Variants in ZNF420 observed in about 807,000 individuals in gnomAD.
ZNF420 encodes zinc finger protein 420, also known as ATM and p53-associated KZNF protein.
Under a neutral mutation model 44.7 loss-of-function variants are expected in ZNF420, and 31 were observed. The ratio of observed to expected loss-of-function variants is 0.69; its 90% confidence interval spans 0.52 to 0.94. ZNF420 has a LOEUF of 0.94. ZNF420 is among the 40% of genes least tolerant of loss of function. The probability of loss-of-function intolerance (pLI) is 0.00; values close to 1 mark genes in which losing one functional copy is unlikely to be tolerated. For synonymous variants in ZNF420, 245 were observed against 267.4 expected (o/e 0.92, Z 0.82); for missense variants, 681 against 827.9 (o/e 0.82, Z 2.18).
chr19:37,126,824 A>G (rs1477506530), intron 4 of ZNF420, among the ~76,000 whole-genome samples: 1 of 152,152 alleles, frequency 6.6e-6, no homozygotes, highest in African/African-American at 2.4e-5. Context: ...AAAATTCTAG[A>G]TAGGAACATT....
Position 37,085,936 on chromosome 19 carries a change from TTTATTATTATTA to T in ZNF420, c.-80-3070_-80-3059del, listed in dbSNP as rs34624393. The stretch of plus-strand genomic sequence containing the variant: ...TTGCATCACAATGCCTGGCTGATGT[TTTATTATTATTA>T]TTATTATTATTATTATTATTATTAT... On this transcript the variant is annotated intron_variant, in intron 2 of 4. Coordinates refer to ENST00000337995, the MANE Select transcript of ZNF420 (RefSeq NM_144689.5). Among the ~76,000 whole-genome samples the T allele has an allele frequency of 1.7e-3, 238 of 137,746 alleles. 3 individuals carry two copies. The highest frequency in any genetic ancestry group is 7.1e-3 in the Middle Eastern group (2 of 280). The allele number at this position is 137,746 out of a possible 152,430, so 90.4% of individuals were successfully genotyped here.
chr19:37,103,967 AT>A (rs58366687), intron 4 of ZNF420, among the ~76,000 whole-genome samples: 95 of 144,308 alleles, frequency 6.6e-4, no homozygotes, highest in Admixed American at 1.2e-3. Flanking sequence ...CTCTTCTCTC[AT>A]TTTTTTTTTG....
At chr19:37,122,954 A>G (rs912979470) in intron 4 of ZNF420, among the ~76,000 whole-genome samples, 24 of 152,220 alleles carry the variant, frequency 1.6e-4, no homozygotes, top group Non-Finnish European at 3.1e-4. Context: ...CTAATAGTTC[A>G]AAACCAGACT....
chr19:37,123,989 CCATT>C (rs1415289243), intron 4 of ZNF420, among the ~76,000 whole-genome samples: 1 of 152,112 alleles, frequency 6.6e-6, no homozygotes, highest in Non-Finnish European at 1.5e-5. Flanking sequence ...ATCTGATATA[CCATT>C]CAGATACCAA....
upstream of ZNF420, among the ~76,000 whole-genome samples, chr19:37,077,887 A>C (rs1968199767): frequency 6.6e-6 from 1 of 152,164 alleles, no homozygotes; most frequent in Admixed American, 6.5e-5. Flanking sequence ...TACGCAGCTT[A>C]AAGTACAAAT....
chr19:37,024,161 TC>T (rs1435778909), intron 1 of ZNF420, among the ~76,000 whole-genome samples: 2 of 152,138 alleles, frequency 1.3e-5, no homozygotes, highest in Non-Finnish European at 2.9e-5. Context: ...GATAACTCTT[TC>T]CACCGAATGC....
intron 4 of ZNF420, among the ~76,000 whole-genome samples, chr19:37,098,033 T>C (rs1324359364): frequency 6.6e-6 from 1 of 152,108 alleles, no homozygotes; most frequent in Non-Finnish European, 1.5e-5. Flanking sequence ...TGCAGTGGCC[T>C]GATCACAGCT....
At chr19:37,066,602 G>A (rs193122064) in intron 1 of ZNF420, among the ~76,000 whole-genome samples, 1 of 152,292 alleles carries the variant, frequency 6.6e-6, no homozygotes, top group East Asian at 1.9e-4. Flanking sequence ...TAAAAATACT[G>A]TGGGACAGTA....
At chr19:37,088,587 T>C (rs1261700410) in intron 2 of ZNF420, among the ~76,000 whole-genome samples, 2 of 152,236 alleles carry the variant, frequency 1.3e-5, no homozygotes, top group Non-Finnish European at 1.5e-5. Flanking sequence ...TGAACACACA[T>C]ATATTTAGCC....
chr19:37,127,116 C>T lies in ZNF420; in HGVS notation c.137-12C>T, dbSNP rs1568480573. 5 of 1,447,834 alleles carry T rather than the reference C, an allele frequency of 3.5e-6. No homozygotes were observed. Among genetic ancestry groups the T allele is most frequent in the Non-Finnish European group, 4.6e-6 (5 of 1,097,444 alleles). 89.7% of individuals were successfully genotyped at this position (1,447,834 alleles called of 1,614,324 possible). A position where few individuals can be genotyped will look rare whatever the true frequency, so the allele number is the denominator to read the frequency against. On this transcript the variant is annotated splice_polypyrimidine_tract_variant and intron_variant, in intron 4 of 4. Coordinates refer to ENST00000337995, the MANE Select transcript of ZNF420 (RefSeq NM_144689.5). Reference sequence around the variant, plus strand: ...ATATTTCTCAATTTTTTTATTCTCTCTTATCTTTCAGACTTGCCTTCAAGG... The same window carrying T: ...ATATTTCTCAATTTTTTTATTCTCTTTTATCTTTCAGACTTGCCTTCAAGG...
chr19:37,073,616 C>T (rs770729088), upstream of ZNF420, among the ~76,000 whole-genome samples: 9 of 151,962 alleles, frequency 5.9e-5, 1 homozygote, highest in South Asian at 1.7e-3. Flanking sequence ...TGACAGGTGC[C>T]TCTAATCCCA....
chr19:37,026,769 C>A (rs1479057844), intron 1 of ZNF420, among the ~76,000 whole-genome samples: 5 of 152,126 alleles, frequency 3.3e-5, no homozygotes, highest in Admixed American at 6.5e-5. Flanking sequence ...GCTAAAAAAA[C>A]CAAAAACTTT....
chr19:37,082,469 A>T (rs948978743), intron 2 of ZNF420, among the ~76,000 whole-genome samples: 4 of 152,130 alleles, frequency 2.6e-5, no homozygotes, highest in African/African-American at 9.7e-5. Flanking sequence ...CCAACCAGCA[A>T]TCTCTATCTT....
chr19:37,030,315 A>C (rs2254217), intron 1 of ZNF420, among the ~76,000 whole-genome samples: 3,671 of 152,078 alleles, frequency 0.024, 161 homozygotes, highest in African/African-American at 0.083. Flanking sequence ...GCGTGTGCCA[A>C]CACACCAGGC....
chr19:37,059,036 C>G (rs1967814246), intron 1 of ZNF420, among the ~76,000 whole-genome samples: 1 of 152,222 alleles, frequency 6.6e-6, no homozygotes, highest in Non-Finnish European at 1.5e-5. Context: ...CCTGCCTCAC[C>G]ACATGCCTCC....
intron 1 of ZNF420, among the ~76,000 whole-genome samples, chr19:37,042,941 C>T (rs1042893690): frequency 2.6e-5 from 4 of 152,054 alleles, no homozygotes; most frequent in African/African-American, 9.7e-5. Context: ...ATTTTTGAGT[C>T]TCAAGGAAGA....
chr19:37,049,046 T>C (rs1313675001), intron 1 of ZNF420, among the ~76,000 whole-genome samples: 1 of 151,644 alleles, frequency 6.6e-6, no homozygotes, highest in Non-Finnish European at 1.5e-5. Flanking sequence ...GGACATGAAC[T>C]CATCATTTTT....
At chr19:37,045,605 C>T (rs1967529017) in intron 1 of ZNF420, among the ~76,000 whole-genome samples, 1 of 152,156 alleles carries the variant, frequency 6.6e-6, no homozygotes, top group Non-Finnish European at 1.5e-5. Flanking sequence ...TCTGTAACCT[C>T]CATTTACGTT....
intron 1 of ZNF420, among the ~76,000 whole-genome samples, chr19:37,064,422 C>T (rs1161608328): frequency 3.3e-5 from 5 of 152,078 alleles, no homozygotes; most frequent in Admixed American, 2.0e-4. Flanking sequence ...GTGGGTTTTG[C>T]GGCCTTTAAC....
Sources: allele counts gnomAD v4.1 joint callset (sites outside exome capture counted in the v4.1 genomes callset), GRCh38; gene constraint gnomAD v4.1.1; transcripts MANE v1.5; gene names NCBI Gene and HGNC (gene_info 2026-07-23, HGNC 2026-07-21).